The following XKRX variants were observed in gnomAD, a reference collection of about 807,000 sequenced individuals.
XKRX encodes the protein XK-related protein 2.
A neutral mutation model predicts 22.4 loss-of-function variants in XKRX; 11 were observed. The observed-to-expected ratio is 0.49, with a 90% CI of 0.31 to 0.81. The LOEUF (loss-of-function observed/expected upper bound fraction) is 0.81. XKRX is among the 40% of genes least tolerant of loss of function. The pLI, the probability that XKRX is intolerant of heterozygous loss-of-function variation, is 0.05. For synonymous variants in XKRX, 114 were observed against 132.2 expected (o/e 0.86, Z 0.94); for missense variants, 320 against 336.5 (o/e 0.95, Z 0.38).
chrX:100,904,297 AC>A, the XKRX span, among the ~76,000 whole-genome samples: 1 of 111,692 alleles, frequency 9.0e-6, no homozygotes, highest in African/African-American at 3.3e-5. Flanking sequence ...AAACAAACAA[AC>A]AAACAAAAAA....
chrX:100,923,564 G>A (rs779663269), intron 1 of XKRX, among the ~76,000 whole-genome samples: 1 of 112,121 alleles, frequency 8.9e-6, no homozygotes, highest in East Asian at 2.8e-4. Context: ...ATCCATTTTT[G>A]TTCAGTCATC....
In XKRX at chrX:100,914,453, A is replaced by C; in HGVS notation, c.1235T>G (p.Phe412Cys). 1 of 1,212,210 alleles carries C rather than the reference A, an allele frequency of 8.2e-7. No homozygotes were observed. The highest frequency in any genetic ancestry group is 1.1e-6 in the Non-Finnish European group (1 of 895,619). ...FQYLHPLRSLFTHNVVDYLHC... is the reference protein window; with the variant it reads ...FQYLHPLRSLCTHNVVDYLHC... ...GAGGTAGTCTACTACATTATGGGTG[A>C]AGAGTGAGCGCAATGGATGCAAGTA... Residue 412 changes from phenylalanine (F) to cysteine (C), a missense_variant, in exon 3 of 3, where the codon TTC (phenylalanine) becomes TGC (cysteine). Phe to Cys is a radical substitution (Grantham distance 205). Transcript: ENST00000372956.
Position 100,916,669 on chromosome X carries a change from G to A in XKRX, c.605-1586C>T, listed in dbSNP as rs1249765624. ...CTAGAACACTTAGCTTCAGTGATGT[G>A]TCAAAATGTGTATTGAAAATTCCAT... On this transcript the variant is annotated intron_variant, in intron 2 of 2. Coordinates refer to ENST00000372956, the MANE Select transcript of XKRX (RefSeq NM_212559.3). Among the ~76,000 whole-genome samples, 9 of 112,643 alleles carry A rather than the reference G, an allele frequency of 8.0e-5. No homozygotes were observed. In the Admixed American group the frequency reaches 8.4e-4, roughly 11 times the overall value.
intron 1 of XKRX, 132 bp downstream of exon 1, chrX:100,927,838 G>A: frequency 1.2e-6 from 1 of 835,453 alleles, no homozygotes; most frequent in East Asian, 3.2e-5. Flanking sequence ...TGGTAGACAG[G>A]GAAGCCGAGA....
At chrX:100,957,433 T>C in the XKRX span, 2 of 1,198,178 alleles carry the variant, frequency 1.7e-6, no homozygotes, top group Non-Finnish European at 2.3e-6. Context: ...TCTAAAGCCA[T>C]AAATGAGGCC....
the XKRX span, among the ~76,000 whole-genome samples, chrX:100,889,823 G>T: frequency 9.0e-6 from 1 of 111,346 alleles, no homozygotes; most frequent in African/African-American, 3.3e-5. Flanking sequence ...GGGCAACATG[G>T]TGAAACCCCA....
At chrX:100,895,478 G>T in the XKRX span, among the ~76,000 whole-genome samples, 6 of 111,922 alleles carry the variant, frequency 5.4e-5, no homozygotes, top group East Asian at 1.7e-3. Context: ...GCATGGTAAG[G>T]AGTTTGGATT....
chrX:100,947,781 G>A, the XKRX span, among the ~76,000 whole-genome samples: 1 of 112,113 alleles, frequency 8.9e-6, no homozygotes, highest in Non-Finnish European at 1.9e-5. Context: ...TAATCAGCAG[G>A]AAAATCGGAA....
At chrX:100,924,005 GT>G (rs10600680) in intron 1 of XKRX, among the ~76,000 whole-genome samples, 17 of 77,121 alleles carry the variant, frequency 2.2e-4, no homozygotes, top group Middle Eastern at 7.0e-3. Flanking sequence ...TCCGGCTAAG[GT>G]TTTTTTTTTT....
At chrX:100,936,415 C>T in the XKRX span, among the ~76,000 whole-genome samples, 3 of 106,583 alleles carry the variant, frequency 2.8e-5, no homozygotes, top group Non-Finnish European at 5.8e-5. Flanking sequence ...GTGGCGTGCA[C>T]CTGTGGTCCC....
the XKRX span, among the ~76,000 whole-genome samples, chrX:100,944,906 C>A: frequency 9.0e-6 from 1 of 111,022 alleles, no homozygotes; most frequent in African/African-American, 3.3e-5. Flanking sequence ...AATGGCAGCA[C>A]TGGCTTGTCA....
the XKRX span, among the ~76,000 whole-genome samples, chrX:100,936,023 G>A: frequency 9.0e-6 from 1 of 111,056 alleles, no homozygotes; most frequent in Non-Finnish European, 1.9e-5. Flanking sequence ...TGGCAGCTGT[G>A]ATGTTGGCTA....
chrX:100,946,219 T>C, the XKRX span, among the ~76,000 whole-genome samples: 1 of 109,288 alleles, frequency 9.2e-6, no homozygotes, highest in Non-Finnish European at 1.9e-5. Context: ...GCATGGTGCA[T>C]GGAAAGAGTA....
At chrX:100,893,711 A>G in the XKRX span, among the ~76,000 whole-genome samples, 5 of 112,185 alleles carry the variant, frequency 4.5e-5, no homozygotes, top group South Asian at 1.9e-3. Context: ...CCAACACAGA[A>G]GCAGAATATC....
intron 2 of XKRX, among the ~76,000 whole-genome samples, chrX:100,920,917 G>A (rs2085469147): frequency 9.2e-6 from 1 of 108,686 alleles, no homozygotes; most frequent in Non-Finnish European, 1.9e-5. Flanking sequence ...CCACCACCAC[G>A]CCTGGCTGAA....
At chrX:100,955,127 TG>T in the XKRX span, among the ~76,000 whole-genome samples, 1 of 111,706 alleles carries the variant, frequency 9.0e-6, no homozygotes, top group Admixed American at 9.5e-5. Context: ...GCCACTGGTG[TG>T]GGCGTGGACA....
chrX:100,914,085 T>C lies in XKRX; in HGVS notation c.*253A>G. ...TTGAAGACAAGTTATTCCAATTGACTTGGGTAAGAAGGGTGTGAATGGTAT... is the reference window on the plus strand; with the variant it reads ...TTGAAGACAAGTTATTCCAATTGACCTGGGTAAGAAGGGTGTGAATGGTAT... On this transcript the variant is annotated 3_prime_UTR_variant, in exon 3 of 3. Transcript: ENST00000372956. 2.7e-6 allele frequency: 1 copy of C among 368,910 alleles called. No individual in the cohort carries two copies. Among genetic ancestry groups the C allele is most frequent in the Non-Finnish European group, 4.7e-6 (1 of 212,401 alleles). 30.4% of individuals were successfully genotyped at this position (368,910 alleles called of 1,213,427 possible).
At chrX:100,895,305 T>C in the XKRX span, among the ~76,000 whole-genome samples, 9 of 112,405 alleles carry the variant, frequency 8.0e-5, no homozygotes, top group South Asian at 3.3e-3. Context: ...GTTAATTAAA[T>C]TATGACATAT....
At position 100,928,175 on chromosome X, in the gene XKRX, A is replaced by T; in HGVS notation, c.130T>A (p.Tyr44Asn). 8.3e-7 allele frequency: 1 copy of T among 1,212,050 alleles called. No homozygotes were observed. Among genetic ancestry groups the T allele is most frequent in the Non-Finnish European group, 1.1e-6 (1 of 895,572 alleles). ...PFSILFSTFL[Y>N]CGEAASALYM... ...AAAGCAGATGCAGCCTCCCCACAGT[A>T]CAAAAAGGTGGAGAAAAGGATGCTA... is the stretch of plus-strand genomic sequence containing the variant. The change falls in exon 1 of 3, where the codon TAC (tyrosine) becomes AAC (asparagine). Residue 44 changes from tyrosine (Y) to asparagine (N), a missense_variant. Physicochemically the swap from Tyr to Asn is moderately radical, Grantham distance 143. Coordinates refer to ENST00000372956, the MANE Select transcript of XKRX (RefSeq NM_212559.3).
Sources: allele counts gnomAD v4.1 joint callset (sites outside exome capture counted in the v4.1 genomes callset), GRCh38; gene constraint gnomAD v4.1.1; transcripts MANE v1.5; gene names NCBI Gene and HGNC (gene_info 2026-07-23, HGNC 2026-07-21).